Variants in ZNF326 observed in about 807,000 individuals in gnomAD.
The protein encoded by ZNF326 is DBIRD complex subunit ZNF326.
Under a neutral mutation model 63.1 loss-of-function variants are expected in ZNF326, and 30 were observed. That is an observed-to-expected ratio of 0.48 (90% confidence interval 0.36 to 0.64). ZNF326 has a LOEUF of 0.64. ZNF326 is among the 30% of genes least tolerant of loss of function. ZNF326 has a pLI of 0.00. For synonymous variants in ZNF326, 194 were observed against 228.2 expected, an observed-to-expected ratio of 0.85 and a Z score of 1.35; for missense variants, 609 against 720.3, an observed-to-expected ratio of 0.85 and a Z score of 1.77.
intron 6 of ZNF326, 66 bp from the exon 7 acceptor site, chr1:90,013,060 C>T: frequency 7.3e-7 from 1 of 1,373,008 alleles, no homozygotes; most frequent in Non-Finnish European, 1.0e-6. Flanking sequence ...ACTTTACGAA[C>T]TGATGATTGG....
rs370736357 is a variant in ZNF326, at chr1:90,013,116, A to G, written c.815-10A>G. On this transcript the variant is annotated splice_polypyrimidine_tract_variant and intron_variant, in intron 6 of 11. Coordinates refer to ENST00000340281, the MANE Select transcript of ZNF326 (RefSeq NM_182976.4). The stretch of plus-strand genomic sequence containing the variant: ...AATTTTAGCTTTTACTTTTTTGTGT[A>G]ATATCCTAGCAAAAACTGATCCTAA... 1 of 1,599,472 alleles carries G rather than the reference A, an allele frequency of 6.3e-7. No individual in the cohort carries two copies. The highest frequency in any genetic ancestry group is 8.5e-7 in the Non-Finnish European group (1 of 1,174,578).
chr1:90,017,726 T>C (rs1649569529), intron 8 of ZNF326, among the ~76,000 whole-genome samples: 1 of 152,258 alleles, frequency 6.6e-6, no homozygotes, highest in Admixed American at 6.5e-5. Flanking sequence ...TGGAGTCAGC[T>C]ATCATCCATT....
intron 7 of ZNF326, among the ~76,000 whole-genome samples, chr1:90,015,714 AGGGG>A (rs1349088783): frequency 6.6e-6 from 1 of 152,056 alleles, no homozygotes; most frequent in Non-Finnish European, 1.5e-5. Flanking sequence ...CATGGAAATC[AGGGG>A]AGGCTGCAAT....
chr1:90,008,150 A>G (rs930946792), intron 5 of ZNF326, among the ~76,000 whole-genome samples: 1 of 152,198 alleles, frequency 6.6e-6, no homozygotes, highest in Non-Finnish European at 1.5e-5. Flanking sequence ...AAATGTTTAT[A>G]CTTTGTGGCT....
intron 4 of ZNF326, chr1:90,006,110 T>G: frequency 1.0e-6 from 1 of 985,436 alleles, no homozygotes; most frequent in Non-Finnish European, 1.2e-6. Context: ...TGAATGATGC[T>G]TACTTTCCTT....
At position 90,031,845 on chromosome 1, in the gene ZNF326, CCA is replaced by C. The variant is rs1557537342; in HGVS notation, c.*4146_*4147del. 2.0e-5 allele frequency: 3 copies of C among 152,310 alleles called. No homozygotes were observed. Among genetic ancestry groups the C allele is most frequent in the Admixed American group, 6.5e-5 (1 of 15,276 alleles). The allele number at this position is 152,310 out of a possible 1,614,324, so 9.4% of individuals were successfully genotyped here. ...AAAGTGCTGGGATTATAGGCATGAG[CCA>C]CCGCGTCTGGCATACAAACTTTTGA... On this transcript the variant is annotated 3_prime_UTR_variant, in exon 12 of 12. Coordinates refer to ENST00000340281, the MANE Select transcript of ZNF326 (RefSeq NM_182976.4).
chr1:89,996,324 T>A (rs550051612), intron 1 of ZNF326, among the ~76,000 whole-genome samples: 28 of 152,294 alleles, frequency 1.8e-4, no homozygotes, highest in Admixed American at 1.2e-3. Flanking sequence ...ACCAAAAAAA[T>A]GATCTTTAAA....
chr1:90,024,871 A>G (rs1371015208), intron 11 of ZNF326, among the ~76,000 whole-genome samples: 2 of 151,682 alleles, frequency 1.3e-5, no homozygotes, highest in African/African-American at 4.8e-5. Flanking sequence ...TGCCTTAGAT[A>G]TATCTTTCCT....
In ZNF326 at chr1:90,028,971, T is replaced by G. The variant is rs1430303033; in HGVS notation, c.*1270T>G. On this transcript the variant is annotated 3_prime_UTR_variant, in exon 12 of 12. Transcript: ENST00000340281. ...AGTGTGAGCCACCATGCCCAGCTAA[T>G]TTTTGTAGTTTTTGTAGAGACAGGG... is the stretch of plus-strand genomic sequence containing the variant. The G allele has an allele frequency of 6.6e-6, 1 of 151,712 alleles. No homozygotes were observed. Among genetic ancestry groups the G allele is most frequent in the Non-Finnish European group, 1.5e-5 (1 of 67,994 alleles). 9.4% of individuals were successfully genotyped at this position (151,712 alleles called of 1,614,324 possible).
rs1384218478 is a variant in ZNF326, at chr1:90,029,477, A to G, written c.*1776A>G. On this transcript the variant is annotated 3_prime_UTR_variant, in exon 12 of 12. Transcript: ENST00000340281. ...GAAAGCCGTTTTGCTTAGGAGTTCA[A>G]ATTTTAAGGATAATAGGACTTGTTA... 2 of 152,270 alleles carry G rather than the reference A, an allele frequency of 1.3e-5. No individual in the cohort carries two copies. Among genetic ancestry groups the G allele is most frequent in the East Asian group, 3.9e-4 (2 of 5,180 alleles). The allele number at this position is 152,270 out of a possible 1,614,324, so 9.4% of individuals were successfully genotyped here.
intron 2 of ZNF326, among the ~76,000 whole-genome samples, chr1:89,999,686 CTGAA>C (rs1648574415): frequency 6.6e-6 from 1 of 152,170 alleles, no homozygotes; most frequent in Non-Finnish European, 1.5e-5. Flanking sequence ...CAAAACTACT[CTGAA>C]TGATTTTGGA....
Position 90,007,460 on chromosome 1 carries a change from G to A in ZNF326, c.325G>A (p.Gly109Ser). ...EQSRFGGSYG[G>S]RFESSYRNSL... The stretch of plus-strand genomic sequence containing the variant: ...AAGCCGCTTCGGAGGTAGTTATGGT[G>A]GTCGATTTGAGAGCTCCTACCGGAA... The change falls in exon 5 of 12, where the codon GGT becomes AGT. Residue 109 changes from glycine (G) to serine (S), a missense_variant. Gly to Ser is a moderately conservative substitution (Grantham distance 56, BLOSUM62 0). Around this residue, in one of 3 missense-constraint regions of ZNF326, gnomAD observed 113 missense variants for 187.4 expected, o/e 0.60. Coordinates refer to ENST00000340281, the MANE Select transcript of ZNF326 (RefSeq NM_182976.4). This position sits in a 1 kb window ranked among gnomAD's most constrained non-coding sequence, Gnocchi z 4.9. 3 of 1,614,058 alleles carry A rather than the reference G, an allele frequency of 1.9e-6. No individual in the cohort carries two copies. The highest frequency in any genetic ancestry group is 2.5e-6 in the Non-Finnish European group (3 of 1,180,008).
intron 11 of ZNF326, among the ~76,000 whole-genome samples, chr1:90,027,043 C>T (rs987867056): frequency 6.9e-6 from 1 of 144,950 alleles, no homozygotes; most frequent in Non-Finnish European, 1.5e-5. Flanking sequence ...AAAAACCACA[C>T]TTGTCTTTGT....
At chr1:90,025,944 C>T (rs1380842456) in intron 11 of ZNF326, among the ~76,000 whole-genome samples, 2 of 151,504 alleles carry the variant, frequency 1.3e-5, no homozygotes, top group Non-Finnish European at 2.9e-5. Context: ...TCCTGGGTTT[C>T]CTCCTGCACC....
rs1372858257 is a variant in ZNF326, at chr1:90,032,068, G to A, written c.*4367G>A. On this transcript the variant is annotated 3_prime_UTR_variant, in exon 12 of 12. Coordinates refer to ENST00000340281, the MANE Select transcript of ZNF326 (RefSeq NM_182976.4). ...AGGGAATCTGCAAGGCTGAAGGGCA[G>A]ATTCTTGGCAATGGTAAATTCAGTA... 6.6e-6 allele frequency: 1 copy of A among 152,200 alleles called. No homozygotes were observed. Among genetic ancestry groups the A allele is most frequent in the East Asian group, 1.9e-4 (1 of 5,202 alleles). 9.4% of individuals were successfully genotyped at this position (152,200 alleles called of 1,614,324 possible).
At chr1:90,027,301 G>T in intron 11 of ZNF326, 53 bp from the exon 12 acceptor site, 1 of 1,547,172 alleles carries the variant, frequency 6.5e-7, no homozygotes, top group Non-Finnish European at 8.8e-7. Context: ...TCACTTGCCA[G>T]ATCATGTAAT....
intron 10 of ZNF326, among the ~76,000 whole-genome samples, chr1:90,021,412 A>C (rs1465594201): frequency 2.0e-5 from 3 of 152,056 alleles, no homozygotes; most frequent in Non-Finnish European, 2.9e-5. Flanking sequence ...AGATTTGATT[A>C]TTACTGATAC....
intron 9 of ZNF326, among the ~76,000 whole-genome samples, chr1:90,019,091 C>A (rs1440890873): frequency 6.6e-6 from 1 of 152,086 alleles, no homozygotes; most frequent in Non-Finnish European, 1.5e-5. Context: ...ATGAAATCTT[C>A]TGTTTTTTAG....
chr1:90,032,980 AGCTG>A lies in ZNF326; in HGVS notation c.*5280_*5283del, dbSNP rs1225457221. On this transcript the variant is annotated 3_prime_UTR_variant, in exon 12 of 12. Coordinates refer to ENST00000340281, the MANE Select transcript of ZNF326 (RefSeq NM_182976.4). ...ACAAGCACACAAAGAAAAATCTGCC[AGCTG>A]TCTATTTCCCAATTTTCCTTCTGAC... is the stretch of plus-strand genomic sequence containing the variant. The A allele has an allele frequency of 2.0e-5, 3 of 152,338 alleles. No homozygotes were observed. The highest frequency in any genetic ancestry group is 3.4e-3 in the Middle Eastern group (1 of 294). The allele number at this position is 152,338 out of a possible 1,614,324, so 9.4% of individuals were successfully genotyped here.
Sources: gnomAD v4.1 joint callset for allele counts (sites outside exome capture counted in the v4.1 genomes callset) on GRCh38, gnomAD v4.1.1 for gene constraint, gnomAD v4.1.1 regional missense constraint, Gnocchi (gnomAD v3.1) non-coding constraint, MANE v1.5 for transcripts, NCBI Gene and HGNC (gene_info 2026-07-23, HGNC 2026-07-21) for gene names.